Variants in PLEKHM1 observed in about 807,000 individuals in gnomAD.
PLEKHM1 encodes pleckstrin homology and RUN domain containing M1.
PLEKHM1 carries 28 observed loss-of-function variants against 94.3 expected under a neutral mutation model. The observed-to-expected ratio is 0.30, with a 90% CI of 0.22 to 0.41. The LOEUF is 0.41. Among genes scored for constraint, PLEKHM1 ranks in the 10% least tolerant of loss-of-function variants. The pLI, the probability that PLEKHM1 is intolerant of heterozygous loss-of-function variation, is 1.00. For synonymous variants in PLEKHM1, 424 were observed against 581.2 expected, an observed-to-expected ratio of 0.73 and a Z score of 3.89; for missense variants, 907 against 1,358.6, an observed-to-expected ratio of 0.67 and a Z score of 5.22.
chr17:45,442,302 C>T (rs565650476), intron 9 of PLEKHM1, among the ~76,000 whole-genome samples: 3 of 152,326 alleles, frequency 2.0e-5, no homozygotes, highest in South Asian at 2.1e-4. Context: ...CTGGCTGACT[C>T]GGTCCAGGCC....
intron 1 of PLEKHM1, among the ~76,000 whole-genome samples, chr17:45,484,236 T>C (rs935737580): frequency 2.6e-5 from 4 of 152,248 alleles, no homozygotes; most frequent in Non-Finnish European, 4.4e-5. Context: ...CCATCTCTTG[T>C]TGGGAAAATT....
In PLEKHM1 at chr17:45,444,697, C is replaced by T. The variant is rs1240748954; in HGVS notation, c.2837+773G>A. Among the ~76,000 whole-genome samples, 1 of 152,178 alleles carries T rather than the reference C, an allele frequency of 6.6e-6. No homozygotes were observed. Among genetic ancestry groups the T allele is most frequent in the Non-Finnish European group, 1.5e-5 (1 of 68,014 alleles). ...CGTTCATGGCCTGTGCGTGCCATTCCTTCTGTCTAGAATGCTCTTTCCCCC... is the reference window on the plus strand; with the variant it reads ...CGTTCATGGCCTGTGCGTGCCATTCTTTCTGTCTAGAATGCTCTTTCCCCC... On this transcript the variant is annotated intron_variant, in intron 9 of 11. Transcript: ENST00000430334. This position sits in a 1 kb window ranked among gnomAD's most constrained non-coding sequence, Gnocchi z 5.0.
At chr17:45,465,192 TA>T (rs2051283150) in intron 5 of PLEKHM1, among the ~76,000 whole-genome samples, 1 of 151,734 alleles carries the variant, frequency 6.6e-6, no homozygotes. Flanking sequence ...TGGTGCTCTG[TA>T]TCATAGAGCT....
chr17:45,441,911 G>A lies in PLEKHM1; in HGVS notation c.2838-1685C>T, dbSNP rs1192206473. Among the ~76,000 whole-genome samples the A allele has an allele frequency of 3.9e-5, 6 of 152,160 alleles. No individual in the cohort carries two copies. The East Asian group carries it at 7.7e-4, about 20-fold the overall frequency. The stretch of plus-strand genomic sequence containing the variant: ...AGAGAAGAAGATGAGGGGAAAGGTC[G>A]AATCTTAGTTCCTGGAACCGATGAA... On this transcript the variant is annotated intron_variant, in intron 9 of 11. Coordinates refer to ENST00000430334, the MANE Select transcript of PLEKHM1 (RefSeq NM_014798.3).
At chr17:45,443,547 G>A (rs1164687072) in intron 9 of PLEKHM1, among the ~76,000 whole-genome samples, 1 of 152,250 alleles carries the variant, frequency 6.6e-6, no homozygotes, top group Non-Finnish European at 1.5e-5. Flanking sequence ...GGGTCAGGGA[G>A]AGAGACAGGG....
chr17:45,434,977 A>G (rs1391770731), downstream of PLEKHM1, among the ~76,000 whole-genome samples: 1 of 151,002 alleles, frequency 6.6e-6, no homozygotes, highest in African/African-American at 2.4e-5. Context: ...CAAAAAAAAA[A>G]AAAAAAAAAA....
rs1205190251 is a variant in PLEKHM1, at chr17:45,437,220, C to T, written c.*638G>A. ...AGAGGACACAGAGGAACCGGGGTCG[C>T]CAGGACTGGCCCTGCCCTGCTGAGG... is the stretch of plus-strand genomic sequence containing the variant. On this transcript the variant is annotated 3_prime_UTR_variant, in exon 12 of 12. Coordinates refer to ENST00000430334, the MANE Select transcript of PLEKHM1 (RefSeq NM_014798.3). This position sits in a 1 kb window ranked among gnomAD's most constrained non-coding sequence, Gnocchi z 4.0. 2 of 452,920 alleles carry T rather than the reference C, an allele frequency of 4.4e-6. No homozygotes were observed. The highest frequency in any genetic ancestry group is 8.9e-6 in the Non-Finnish European group (2 of 225,690). 28.1% of individuals were successfully genotyped at this position (452,920 alleles called of 1,614,324 possible).
At chr17:45,471,505 G>C (rs2051510387) in intron 4 of PLEKHM1, among the ~76,000 whole-genome samples, 1 of 151,840 alleles carries the variant, frequency 6.6e-6, no homozygotes, top group Non-Finnish European at 1.5e-5. Context: ...GCTCATGCCT[G>C]TAATCCCAGC....
chr17:45,453,981 A>G lies in PLEKHM1; in HGVS notation c.1871T>C (p.Leu624Pro). Residue 624 changes from leucine to proline, a missense_variant, in exon 7 of 12, where the codon CTG (leucine) becomes CCG (proline). Physicochemically the swap from Leu to Pro is moderately conservative, Grantham distance 98 (BLOSUM62 -3). This residue lies in a region of PLEKHM1 where 477 missense variants were observed against 601.5 expected (regional missense o/e 0.79). Transcript: ENST00000430334. This position sits in a 1 kb window ranked among gnomAD's most constrained non-coding sequence, Gnocchi z 4.1. ...EDWLDRVREALQKVRPQQEDE... is the reference protein window; with the variant it reads ...EDWLDRVREAPQKVRPQQEDE... ...CTCCTGCTGAGGCCGGACCTTCTGC[A>G]GGGCCTCCCGCACCCGGTCCAGCCA... 5 of 1,613,934 alleles carry G rather than the reference A, an allele frequency of 3.1e-6. No homozygotes were observed. The highest frequency in any genetic ancestry group is 4.2e-6 in the Non-Finnish European group (5 of 1,179,852).
At chr17:45,434,731 C>T (rs1395508089), downstream of PLEKHM1, among the ~76,000 whole-genome samples, 2 of 152,148 alleles carry the variant, frequency 1.3e-5, no homozygotes, top group Non-Finnish European at 2.9e-5. Context: ...AGGTGTGAGC[C>T]ACCATGCCGG....
At chr17:45,440,123 CTCTCTAGAGGTCTGGGCG>C (rs2050399804) in intron 10 of PLEKHM1, 22 bp downstream of exon 10, 2 of 1,576,818 alleles carry the variant, frequency 1.3e-6, no homozygotes, top group Admixed American at 3.3e-5. Context: ...GGAATGAAGT[CTCTCTAGAGGTCTGGGCG>C]GGGGAAGCAT....
At chr17:45,471,260 A>C (rs1281908215) in intron 4 of PLEKHM1, among the ~76,000 whole-genome samples, 1 of 150,576 alleles carries the variant, frequency 6.6e-6, no homozygotes, top group Non-Finnish European at 1.5e-5. Flanking sequence ...CTTTATACCC[A>C]CTGGGTTGAT....
chr17:45,488,686 C>T (rs2052208931), intron 1 of PLEKHM1, among the ~76,000 whole-genome samples: 1 of 152,192 alleles, frequency 6.6e-6, no homozygotes, highest in Non-Finnish European at 1.5e-5. Context: ...CGCCCGTAAT[C>T]CCAGCACTTT....
intron 3 of PLEKHM1, chr17:45,477,263 C>T (rs1000325141): frequency 4.3e-5 from 7 of 163,046 alleles, no homozygotes; most frequent in African/African-American, 1.7e-4. Flanking sequence ...AGCAAAACCC[C>T]TCTCTACTAA....
chr17:45,465,716 A>AT (rs60337271), intron 5 of PLEKHM1, among the ~76,000 whole-genome samples: 78,514 of 150,366 alleles, frequency 0.52, 20,762 homozygotes, highest in Non-Finnish European at 0.57. Flanking sequence ...CCTCAAAAAA[A>AT]TTTTTTTTTT....
At chr17:45,435,896 C>T (rs1347825231), downstream of PLEKHM1, 3 of 450,760 alleles carry the variant, frequency 6.7e-6, no homozygotes, top group East Asian at 7.0e-5. Flanking sequence ...AGAAGCCAGA[C>T]CAGTGATGAG....
At chr17:45,485,489 C>T (rs1308405222) in intron 1 of PLEKHM1, among the ~76,000 whole-genome samples, 1 of 152,108 alleles carries the variant, frequency 6.6e-6, no homozygotes, top group Admixed American at 6.5e-5. Flanking sequence ...ATAGCCCAGG[C>T]CCATTAAGAC....
chr17:45,439,715 C>G lies in PLEKHM1; in HGVS notation c.2902-81G>C, dbSNP rs557504504. On this transcript the variant is annotated intron_variant, in intron 10 of 11. Transcript: ENST00000430334. ...TGGTAAACTGAGGCCCCAGGCCTTT[C>G]AAGCAGCTGCACTGAGGTGCCATGG... 281 of 1,569,624 alleles carry G rather than the reference C, an allele frequency of 1.8e-4. 1 individual carries two copies. In the South Asian group the frequency reaches 3.0e-3, roughly 17 times the overall value.
intron 11 of PLEKHM1, among the ~76,000 whole-genome samples, 177 bp from the exon 12 acceptor site, chr17:45,438,146 C>T (rs2050327335): frequency 6.6e-6 from 1 of 152,250 alleles, no homozygotes; most frequent in Non-Finnish European, 1.5e-5. Context: ...AGTGCTTACC[C>T]ATACGTCACA....
Sources: gnomAD v4.1 joint callset for allele counts (sites outside exome capture counted in the v4.1 genomes callset) on GRCh38, gnomAD v4.1.1 for gene constraint, gnomAD v4.1.1 regional missense constraint, Gnocchi (gnomAD v3.1) non-coding constraint, MANE v1.5 for transcripts, NCBI Gene and HGNC (gene_info 2026-07-23, HGNC 2026-07-21) for gene names.